Variants in MAML3 observed in about 807,000 individuals in gnomAD.
The protein encoded by MAML3 is mastermind like transcriptional coactivator 3.
A neutral mutation model predicts 101.9 loss-of-function variants in MAML3; 27 were observed. The observed-to-expected ratio is 0.27, with a 90% CI of 0.20 to 0.37. MAML3 has a LOEUF of 0.37. Among genes scored for constraint, MAML3 ranks in the 10% least tolerant of loss-of-function variants. MAML3 has a pLI of 1.00. For synonymous variants in MAML3, 501 were observed against 555.9 expected, an observed-to-expected ratio of 0.90 and a Z score of 1.39; for missense variants, 1,316 against 1,444.9, an observed-to-expected ratio of 0.91 and a Z score of 1.45.
chr4:140,101,881 C>G (rs1252221659), intron 1 of MAML3, among the ~76,000 whole-genome samples: 2 of 149,524 alleles, frequency 1.3e-5, no homozygotes, highest in African/African-American at 4.9e-5. Context: ...TTGCCAGATT[C>G]CCCTTGTTTT....
At chr4:139,731,459 A>T (rs1271927672) in intron 2 of MAML3, 2 of 169,160 alleles carry the variant, frequency 1.2e-5, no homozygotes, top group African/African-American at 2.4e-5. Flanking sequence ...AAAAAAAAAA[A>T]AAAAAAAAAT....
intron 1 of MAML3, among the ~76,000 whole-genome samples, chr4:140,034,305 C>A (rs998444048): frequency 6.6e-6 from 1 of 152,176 alleles, no homozygotes; most frequent in Non-Finnish European, 1.5e-5. Flanking sequence ...GTGAGATAGT[C>A]TGGTTGTGAT....
intron 2 of MAML3, among the ~76,000 whole-genome samples, chr4:139,835,269 C>T (rs1209982919): frequency 6.6e-6 from 1 of 152,248 alleles, no homozygotes; most frequent in East Asian, 1.9e-4. Context: ...ATACTTCTGT[C>T]CCAAGTTGGT....
chr4:140,153,219 G>C lies in MAML3; in HGVS notation c.109C>G (p.Pro37Ala), dbSNP rs1469040438. The C allele has an allele frequency of 3.2e-6, 5 of 1,570,004 alleles. No homozygotes were observed. The African/African-American group carries it at 5.4e-5, about 17-fold the overall frequency. ...CTCGGAGCAGCGGGAGTACTATTGG[G>C]AGTATTATTCACACCGATCCCGGCC... ...GGAGIGVNNT[P>A]NSTPAAPSSN... Residue 37 changes from proline to alanine, a missense_variant, in exon 1 of 5, where the codon CCC becomes GCC. Coordinates refer to ENST00000509479, the MANE Select transcript of MAML3 (RefSeq NM_018717.5).
rs1731572633 is a variant in MAML3 at position 139,852,403 on chromosome 4, G to GTTTTTTTTTTTGTTGTTGTTTTT, written c.2079+36953_2079+36954insAAAAACAACAACAAAAAAAAAAA. Among the ~76,000 whole-genome samples, 37 of 68,350 alleles carry GTTTTTTTTTTTGTTGTTGTTTTT rather than the reference G, an allele frequency of 5.4e-4. 1 individual carries two copies. Among genetic ancestry groups the GTTTTTTTTTTTGTTGTTGTTTTT allele is most frequent in the African/African-American group, 2.1e-3 (32 of 15,060 alleles). 44.8% of individuals were successfully genotyped at this position (68,350 alleles called of 152,430 possible). A position where few individuals can be genotyped will look rare whatever the true frequency, so the allele number is the denominator to read the frequency against. ...AAAGCTCACCAAAATTCAGAAGACTGTTTTTTTTTTTTTTTTTTTTTTTTT... is the reference window on the plus strand; with the variant it reads ...AAAGCTCACCAAAATTCAGAAGACTGTTTTTTTTTTTGTTGTTGTTTTTTTTTTTTTTTTTTTTTTTTTTTTTT... On this transcript the variant is annotated intron_variant, in intron 2 of 4. Transcript: ENST00000509479.
rs536454773 is a variant in MAML3 at position 140,050,461 on chromosome 4, C to T, written c.468+102399G>A. ...CCTTCTAAACCAGACCCAATTAACC[C>T]CTTAGGCTCTGAGGAGTAAAAGCCA... On this transcript the variant is annotated intron_variant, in intron 1 of 4. Coordinates refer to ENST00000509479, the MANE Select transcript of MAML3 (RefSeq NM_018717.5). Among the ~76,000 whole-genome samples the T allele has an allele frequency of 8.7e-4, 132 of 152,172 alleles. 1 individual carries two copies. The highest frequency in any genetic ancestry group is 7.3e-3 in the South Asian group (35 of 4,822).
rs1273167500 is a variant in MAML3 at position 139,790,240 on chromosome 4, T to TAA, written c.2080-59574_2080-59573insTT. ...ACATATATATATATATATATATATA[T>TAA]ATAAATAAATATATAAAATAAAATA... On this transcript the variant is annotated intron_variant, in intron 2 of 4. Coordinates refer to ENST00000509479, the MANE Select transcript of MAML3 (RefSeq NM_018717.5). Among the ~76,000 whole-genome samples, 209 of 144,656 alleles carry TAA rather than the reference T, an allele frequency of 1.4e-3. 2 individuals are homozygous for TAA. The highest frequency in any genetic ancestry group is 3.6e-3 in the Middle Eastern group (1 of 278). 94.9% of individuals were successfully genotyped at this position (144,656 alleles called of 152,430 possible). A position where few individuals can be genotyped will look rare whatever the true frequency, so the allele number is the denominator to read the frequency against.
chr4:140,029,771 A>G (rs1305997534), intron 1 of MAML3, among the ~76,000 whole-genome samples: 2 of 152,208 alleles, frequency 1.3e-5, no homozygotes, highest in East Asian at 3.8e-4. Flanking sequence ...TTTCTTTCAA[A>G]ACTACCATAA....
intron 2 of MAML3, among the ~76,000 whole-genome samples, chr4:139,778,767 G>A (rs963556859): frequency 5.3e-5 from 8 of 152,022 alleles, no homozygotes; most frequent in Non-Finnish European, 7.4e-5. Flanking sequence ...GGTGGATCAC[G>A]AGGTCAAGAG....
intron 1 of MAML3, among the ~76,000 whole-genome samples, chr4:139,952,466 T>C (rs1398368663): frequency 6.6e-6 from 1 of 152,138 alleles, no homozygotes; most frequent in Non-Finnish European, 1.5e-5. Flanking sequence ...CTCTGCAGTT[T>C]ATAGACCACA....
rs1412346310 is a variant in MAML3 at position 139,719,764 on chromosome 4, A to G, written c.2976T>C (p.Ala992=). ...FNNGASYPLQ[A]GQPRLTKQHF... is the part of the protein sequence containing the mutation. ...GCTGCTTGGTCAGTCTCGGCTGCCCAGCTTGAAGAGGGTAGCTGGCGCCAT... is the reference window on the plus strand; with the variant it reads ...GCTGCTTGGTCAGTCTCGGCTGCCCGGCTTGAAGAGGGTAGCTGGCGCCAT... The change falls in exon 5 of 5, where the codon GCT becomes GCC. Residue 992 remains alanine, a synonymous_variant. Transcript: ENST00000509479. 3 of 1,613,650 alleles carry G rather than the reference A, an allele frequency of 1.9e-6. No homozygotes were observed. Among genetic ancestry groups the G allele is most frequent in the Non-Finnish European group, 2.5e-6 (3 of 1,179,874 alleles).
intron 1 of MAML3, among the ~76,000 whole-genome samples, chr4:139,928,935 C>G (rs1733322825): frequency 6.6e-6 from 1 of 152,018 alleles, no homozygotes; most frequent in African/African-American, 2.4e-5. Context: ...CAGACAGGGT[C>G]TGAATTAGGG....
At chr4:139,943,888 T>TTTTTTTTTTTTTTTTTTTTTTTTTTTA (rs1733654458) in intron 1 of MAML3, among the ~76,000 whole-genome samples, 1 of 143,538 alleles carries the variant, frequency 7.0e-6, no homozygotes, top group African/African-American at 2.7e-5. Flanking sequence ...TTTTTTTTTT[T>TTTTTTTTTTTTTTTTTTTTTTTTTTTA]GAGACGGAAT....
intron 1 of MAML3, among the ~76,000 whole-genome samples, chr4:140,052,281 G>A (rs1282494530): frequency 1.3e-5 from 2 of 152,088 alleles, no homozygotes; most frequent in Non-Finnish European, 2.9e-5. Flanking sequence ...ACTGAGACAC[G>A]GATCCACAAG....
chr4:139,829,426 T>G (rs914165741), intron 2 of MAML3, among the ~76,000 whole-genome samples: 2 of 152,060 alleles, frequency 1.3e-5, no homozygotes, highest in Non-Finnish European at 2.9e-5. Context: ...GAGCCTGTGT[T>G]TGAGGAACTG....
At chr4:139,830,190 A>G (rs1731135992) in intron 2 of MAML3, among the ~76,000 whole-genome samples, 1 of 152,208 alleles carries the variant, frequency 6.6e-6, no homozygotes, top group Non-Finnish European at 1.5e-5. Flanking sequence ...CTCCACGGCC[A>G]TCTCATCAAA....
intron 4 of MAML3, among the ~76,000 whole-genome samples, chr4:139,722,497 G>A (rs1173166739): frequency 6.6e-6 from 1 of 152,104 alleles, no homozygotes; most frequent in Non-Finnish European, 1.5e-5. Context: ...AGATATTATT[G>A]TGAGACACTG....
intron 1 of MAML3, among the ~76,000 whole-genome samples, chr4:140,037,241 G>GA (rs36104617): frequency 0.59 from 82,002 of 138,600 alleles, 24,883 homozygotes; most frequent in East Asian, 0.95. Flanking sequence ...CCCTCTGCTT[G>GA]AAAAAAAAAA....
At chr4:140,112,081 C>A (rs1728447401) in intron 1 of MAML3, among the ~76,000 whole-genome samples, 1 of 152,182 alleles carries the variant, frequency 6.6e-6, no homozygotes. Context: ...TTAGTTGACT[C>A]TCTAAACAAG....
Sources: gnomAD v4.1 joint callset for allele counts (sites outside exome capture counted in the v4.1 genomes callset) on GRCh38, gnomAD v4.1.1 for gene constraint, MANE v1.5 for transcripts, NCBI Gene and HGNC (gene_info 2026-07-23, HGNC 2026-07-21) for gene names.